Variants in LTBP4 observed in about 807,000 individuals in gnomAD.
LTBP4 encodes latent transforming growth factor beta binding protein 4.
Under a neutral mutation model 180.2 loss-of-function variants are expected in LTBP4, and 93 were observed. The ratio of observed to expected loss-of-function variants is 0.52; its 90% CI spans 0.44 to 0.61. LTBP4 has a LOEUF of 0.61. Among genes scored for constraint, LTBP4 ranks in the 20% least tolerant of loss-of-function variants. The pLI is 0.00. For missense variants in LTBP4, 2,116 were observed against 2,256.5 expected (o/e 0.94, Z 1.26); for synonymous variants, 947 against 934.5 (o/e 1.01, Z -0.24).
In LTBP4 at chr19:40,609,920, C is replaced by T; in HGVS notation, c.1684+49C>T. The T allele has an allele frequency of 4.7e-6, 7 of 1,480,494 alleles. No individual in the cohort carries two copies. Among genetic ancestry groups the T allele is most frequent in the Non-Finnish European group, 6.3e-6 (7 of 1,114,388 alleles). 91.7% of individuals were successfully genotyped at this position (1,480,494 alleles called of 1,614,324 possible). ...TCCAGGCCCACCCCAGGGTCTCGCTCCTGCTCTCACTCCAGAGCCTCTCCA... is the reference window on the plus strand; with the variant it reads ...TCCAGGCCCACCCCAGGGTCTCGCTTCTGCTCTCACTCCAGAGCCTCTCCA... On this transcript the variant is annotated intron_variant, in intron 11 of 29. Coordinates refer to ENST00000396819, the MANE Select transcript of LTBP4 (RefSeq NM_001042545.2). The surrounding 1 kb of genome is among the most constrained non-coding windows in gnomAD (Gnocchi z 4.9).
Position 40,605,030 on chromosome 19 carries a change from C to G in LTBP4, c.251-5C>G. 2 of 1,609,364 alleles carry G rather than the reference C, an allele frequency of 1.2e-6. No homozygotes were observed. Among genetic ancestry groups the G allele is most frequent in the Non-Finnish European group, 1.7e-6 (2 of 1,176,854 alleles). ...CGCCCCTGAGTGTCCTCGTTCTCCTCCCAGTCCTGTGTCCCTTGATCTGTC... is the reference window on the plus strand; with the variant it reads ...CGCCCCTGAGTGTCCTCGTTCTCCTGCCAGTCCTGTGTCCCTTGATCTGTC... On this transcript the variant is annotated splice_polypyrimidine_tract_variant and splice_region_variant and intron_variant, in intron 1 of 29. Coordinates refer to ENST00000396819, the MANE Select transcript of LTBP4 (RefSeq NM_001042545.2). This position sits in a 1 kb window ranked among gnomAD's most constrained non-coding sequence, Gnocchi z 5.5.
rs2081660562 is a variant in LTBP4, at chr19:40,629,406, G to A, written c.4530G>A (p.Glu1510=). The change falls in exon 30 of 30, where the codon GAG becomes GAA. Residue 1510 remains glutamate (E), a synonymous_variant. Coordinates refer to ENST00000396819, the MANE Select transcript of LTBP4 (RefSeq NM_001042545.2). The surrounding 1 kb of genome is among the most constrained non-coding windows in gnomAD (Gnocchi z 4.5). ...MTRMACVDIN[E]CDEAEAASPL... is the part of the protein sequence containing the mutation. ...GTCTCCCCTCCGCAGACATCAACGA[G>A]TGTGATGAGGCCGAGGCTGCCTCCC... 1 of 1,612,872 alleles carries A rather than the reference G, an allele frequency of 6.2e-7. No individual in the cohort carries two copies.
Position 40,611,068 on chromosome 19 carries a change from A to G in LTBP4, c.1811-84A>G. ...AATAGAGATGGGGTCACGGGGACAGAATGTTGGAGGGTGGAAAGCCAAAGT... is the reference window on the plus strand; with the variant it reads ...AATAGAGATGGGGTCACGGGGACAGGATGTTGGAGGGTGGAAAGCCAAAGT... On this transcript the variant is annotated intron_variant, in intron 12 of 29. Transcript: ENST00000396819. This position sits in a 1 kb window ranked among gnomAD's most constrained non-coding sequence, Gnocchi z 4.4. 2 of 1,566,646 alleles carry G rather than the reference A, an allele frequency of 1.3e-6. No individual in the cohort carries two copies. Among genetic ancestry groups the G allele is most frequent in the East Asian group, 4.5e-5 (2 of 44,330 alleles).
At position 40,610,660 on chromosome 19, in the gene LTBP4, G is replaced by A. The variant is rs773914347; in HGVS notation, c.1810+3G>A. On this transcript the variant is annotated splice_donor_region_variant and intron_variant, in intron 12 of 29. Coordinates refer to ENST00000396819, the MANE Select transcript of LTBP4 (RefSeq NM_001042545.2). ...ACCGCACGGAGCCAGCTGCCAGGGT[G>A]AGGGCCTGGGAGGGGCAGCTGGGAA... is the stretch of plus-strand genomic sequence containing the variant. The A allele has an allele frequency of 6.3e-6, 10 of 1,577,518 alleles. No individual in the cohort carries two copies. Among genetic ancestry groups the A allele is most frequent in the Non-Finnish European group, 8.6e-6 (10 of 1,164,766 alleles).
intron 29 of LTBP4, 76 bp downstream of exon 29, chr19:40,627,933 G>T: frequency 2.7e-6 from 4 of 1,494,818 alleles, no homozygotes; most frequent in Non-Finnish European, 3.6e-6. Flanking sequence ...CCTGACTAGG[G>T]GGTGCTGGTC....
Position 40,601,995 on chromosome 19 carries a change from C to A in LTBP4, c.250+358C>A, listed in dbSNP as rs369398656. ...CGCTGAGTAAGGAGTCCCCGGGGACCAAGCAAGAGTCTCAGGACCGCATGG... is the reference window on the plus strand; with the variant it reads ...CGCTGAGTAAGGAGTCCCCGGGGACAAAGCAAGAGTCTCAGGACCGCATGG... On this transcript the variant is annotated intron_variant, in intron 1 of 29. Coordinates refer to ENST00000396819, the MANE Select transcript of LTBP4 (RefSeq NM_001042545.2). Among the ~76,000 whole-genome samples, 7 of 151,894 alleles carry A rather than the reference C, an allele frequency of 4.6e-5. 1 individual carries two copies. Among genetic ancestry groups the A allele is most frequent in the African/African-American group, 1.7e-4 (7 of 41,396 alleles).
intron 5 of LTBP4, 30 bp downstream of exon 5, chr19:40,606,337 G>T (rs771896554): frequency 2.5e-6 from 4 of 1,600,908 alleles, no homozygotes; most frequent in Non-Finnish European, 3.4e-6. Context: ...GGAGGGGCTT[G>T]GTTCTGGGGG....
chr19:40,622,760 G>A lies in LTBP4; in HGVS notation c.3484+93G>A. On this transcript the variant is annotated intron_variant, in intron 23 of 29. Transcript: ENST00000396819. The surrounding 1 kb of genome is among the most constrained non-coding windows in gnomAD (Gnocchi z 5.1). ...TGGGACAGGGGACACTTTTGGACAG[G>A]GCCTTGAGGTACTAGTACTGTCAGG... 3 of 1,476,266 alleles carry A rather than the reference G, an allele frequency of 2.0e-6. No homozygotes were observed. The highest frequency in any genetic ancestry group is 2.7e-6 in the Non-Finnish European group (3 of 1,106,152). 91.4% of individuals were successfully genotyped at this position (1,476,266 alleles called of 1,614,324 possible).
rs2081507477 is a variant in LTBP4 at position 40,611,675 on chromosome 19, C to G, written c.2054-184C>G. On this transcript the variant is annotated intron_variant, in intron 13 of 29. Coordinates refer to ENST00000396819, the MANE Select transcript of LTBP4 (RefSeq NM_001042545.2). The surrounding 1 kb of genome is among the most constrained non-coding windows in gnomAD (Gnocchi z 4.4). ...CATGGAGTTGGTGCCTTAGCCCCCA[C>G]CTTAGTAGCTGGAGAGACCATTGAA... Among the ~76,000 whole-genome samples, 1 of 152,154 alleles carries G rather than the reference C, an allele frequency of 6.6e-6. No individual in the cohort carries two copies. Among genetic ancestry groups the G allele is most frequent in the African/African-American group, 2.4e-5 (1 of 41,416 alleles).
Position 40,608,475 on chromosome 19 carries a change from C to A in LTBP4, c.1307-9C>A, listed in dbSNP as rs2081480231. 1 of 1,598,128 alleles carries A rather than the reference C, an allele frequency of 6.3e-7. No homozygotes were observed. Among genetic ancestry groups the A allele is most frequent in the Non-Finnish European group, 8.5e-7 (1 of 1,172,676 alleles). On this transcript the variant is annotated splice_polypyrimidine_tract_variant and intron_variant, in intron 8 of 29. Transcript: ENST00000396819. ...TGGGCTCCACTCGTTGATACCCCTT[C>A]TTTATCAGGCTTTCTGCCCACCCAT... is the stretch of plus-strand genomic sequence containing the variant.
intron 11 of LTBP4, 173 bp from the exon 12 acceptor site, chr19:40,610,359 C>A: frequency 2.8e-6 from 2 of 705,126 alleles, no homozygotes; most frequent in Non-Finnish European, 4.6e-6. Flanking sequence ...CCAAACCCTG[C>A]CCTCCACAAT....
chr19:40,617,045 G>A (rs2081554163), intron 20 of LTBP4, 25 bp downstream of exon 20: 2 of 1,612,836 alleles, frequency 1.2e-6, no homozygotes, highest in African/African-American at 2.7e-5. Flanking sequence ...GGCATCGGGT[G>A]AGATGTGGAG....
upstream of LTBP4, chr19:40,599,570 C>A: frequency 5.6e-6 from 9 of 1,599,296 alleles, no homozygotes; most frequent in Non-Finnish European, 6.8e-6. Context: ...AGTGGGCAGT[C>A]CCTCCCCTAC....
intron 26 of LTBP4, among the ~76,000 whole-genome samples, chr19:40,625,255 TATA>T (rs1568414233): frequency 0.013 from 24 of 1,900 alleles, no homozygotes; most frequent in African/African-American, 0.027. Flanking sequence ...TTTGTATTTA[TATA>T]TATATATATA....
chr19:40,605,053 G>T lies in LTBP4; in HGVS notation c.269G>T (p.Cys90Phe), dbSNP rs1293711008. The T allele has an allele frequency of 6.2e-7, 1 of 1,613,434 alleles. No individual in the cohort carries two copies. The highest frequency in any genetic ancestry group is 8.5e-7 in the Non-Finnish European group (1 of 1,179,618). ...CTCCCAGTCCTGTGTCCCTTGATCT[G>T]TCACAATGGCGGTGTGTGCGTGAAG... ...GFRAFLCPLI[C>F]HNGGVCVKPD... The change falls in exon 2 of 30, where the codon TGT (cysteine) becomes TTT (phenylalanine). Residue 90 changes from cysteine (C) to phenylalanine (F), a missense_variant. Coordinates refer to ENST00000396819, the MANE Select transcript of LTBP4 (RefSeq NM_001042545.2). This position sits in a 1 kb window ranked among gnomAD's most constrained non-coding sequence, Gnocchi z 5.5.
chr19:40,629,482 A>C lies in LTBP4; in HGVS notation c.4606A>C (p.Ile1536Leu), dbSNP rs755684037. The change falls in exon 30 of 30, where the codon ATC becomes CTC. Residue 1536 changes from isoleucine to leucine, a missense_variant. By Grantham distance (5) the Ile-to-Leu change is conservative. This residue lies in a region of LTBP4 where 488 missense variants were observed against 458.8 expected (regional missense o/e 1.06). Transcript: ENST00000396819. This position sits in a 1 kb window ranked among gnomAD's most constrained non-coding sequence, Gnocchi z 4.5. ...CAACACGGATGGCTCCTTCCGCTGC[A>C]TCTGCCGCCCGGGATTCGCACCCAC... ...CLNTDGSFRCICRPGFAPTHQ... is the reference protein window; with the variant it reads ...CLNTDGSFRCLCRPGFAPTHQ... The C allele has an allele frequency of 4.4e-6, 7 of 1,607,704 alleles. No individual in the cohort carries two copies. In the East Asian group the frequency reaches 1.6e-4, roughly 36 times the overall value.
intron 6 of LTBP4, 25 bp downstream of exon 6, chr19:40,606,551 G>A (rs2081463773): frequency 1.3e-6 from 2 of 1,550,678 alleles, no homozygotes; most frequent in Admixed American, 1.9e-5. Context: ...GGGAGCTGAG[G>A]CTGGGTCCCG....
intron 28 of LTBP4, 94 bp from the exon 29 acceptor site, chr19:40,627,611 G>T: frequency 6.7e-7 from 1 of 1,487,768 alleles, no homozygotes; most frequent in Non-Finnish European, 9.0e-7. Context: ...ACAGTTTACA[G>T]CGAGAAAGAT....
rs2081619423 is a variant in LTBP4, at chr19:40,625,279, TATATATA to T, written c.3833-577_3833-571del. On this transcript the variant is annotated intron_variant, in intron 26 of 29. Transcript: ENST00000396819. The stretch of plus-strand genomic sequence containing the variant: ...ATATATATATATATATATATATATA[TATATATA>T]TATATATATATATATATATATATAT... Among the ~76,000 whole-genome samples the T allele has an allele frequency of 5.2e-4, 5 of 9,658 alleles. 1 individual carries two copies. The highest frequency in any genetic ancestry group is 7.2e-4 in the African/African-American group (1 of 1,390). The allele number at this position is 9,658 out of a possible 152,430, so 6.3% of individuals were successfully genotyped here. A position where few individuals can be genotyped will look rare whatever the true frequency, so the allele number is the denominator to read the frequency against.
Sources: allele counts gnomAD v4.1 joint callset (sites outside exome capture counted in the v4.1 genomes callset), GRCh38; gene constraint gnomAD v4.1.1; regional missense constraint gnomAD v4.1.1; non-coding constraint Gnocchi (gnomAD v3.1); transcripts MANE v1.5; gene names NCBI Gene and HGNC (gene_info 2026-07-23, HGNC 2026-07-21).